The following APOL4 variants were observed in gnomAD, a reference collection of about 807,000 sequenced individuals.
The protein encoded by APOL4 is apolipoprotein L4.
APOL4 carries 14 observed loss-of-function variants against 12.1 expected under a neutral mutation model. That is an observed-to-expected ratio of 1.16 (90% CI 0.76 to 1.81). The LOEUF is 1.81. APOL4 is among the 40% of genes most tolerant of loss of function. The probability of loss-of-function intolerance (pLI) is 0.00; values close to 1 mark genes in which losing one functional copy is unlikely to be tolerated. For missense variants in APOL4, 432 were observed against 423.1 expected (o/e 1.02, Z -0.18); for synonymous variants, 171 against 160.6 (o/e 1.06, Z -0.49).
At chr22:36,195,150 G>A in intron 3 of APOL4, 161 bp downstream of exon 3, 1 of 911,218 alleles carries the variant, frequency 1.1e-6, no homozygotes. Flanking sequence ...TGCCAGCGAA[G>A]CACTTGGAGG....
At chr22:36,199,712 T>G in intron 1 of APOL4, 3 of 1,447,576 alleles carry the variant, frequency 2.1e-6, no homozygotes, top group Non-Finnish European at 2.8e-6. Flanking sequence ...AGGAACGTTC[T>G]AACAATGACC....
chr22:36,196,294 A>T (rs1273848834), intron 2 of APOL4, among the ~76,000 whole-genome samples: 2 of 152,214 alleles, frequency 1.3e-5, no homozygotes, highest in South Asian at 4.1e-4. Flanking sequence ...AGCAAGAGTG[A>T]GTATTCTTTT....
rs1343385068 is a variant in APOL4 at position 36,201,686 on chromosome 22, G to T, written c.35+14C>A. The stretch of plus-strand genomic sequence containing the variant: ...GAGGAGCAGGAGGGCAGAGAGCTGG[G>T]GCCTCGGACTCACCCGACGCTTGTG... On this transcript the variant is annotated intron_variant, in intron 1 of 3. Transcript: ENST00000683024. 6 of 1,601,272 alleles carry T rather than the reference G, an allele frequency of 3.7e-6. No homozygotes were observed. Among genetic ancestry groups the T allele is most frequent in the East Asian group, 4.5e-5 (2 of 44,372 alleles).
At chr22:36,201,659 C>G in intron 1 of APOL4, 41 bp downstream of exon 1, 1 of 1,561,210 alleles carries the variant, frequency 6.4e-7, no homozygotes, top group Admixed American at 1.8e-5. Flanking sequence ...CAGGAGAGAG[C>G]AGAGGAGCAG....
intron 2 of APOL4, among the ~76,000 whole-genome samples, chr22:36,195,774 TCTCACACACACACACACACACACA>T (rs1256623213): frequency 1.5e-5 from 1 of 65,930 alleles, no homozygotes; most frequent in African/African-American, 4.0e-5. Context: ...TCTCTCTCTC[TCTCACACACACACACACACACACA>T]CACACACACA....
chr22:36,190,833 G>A lies in APOL4; in HGVS notation c.*242C>T. 4.0e-6 allele frequency: 2 copies of A among 502,378 alleles called. No individual in the cohort carries two copies. The highest frequency in any genetic ancestry group is 7.1e-6 in the Non-Finnish European group (2 of 280,076). 31.1% of individuals were successfully genotyped at this position (502,378 alleles called of 1,614,324 possible). A position where few individuals can be genotyped will look rare whatever the true frequency, so the allele number is the denominator to read the frequency against. On this transcript the variant is annotated 3_prime_UTR_variant, in exon 4 of 4. Coordinates refer to ENST00000683024, the MANE Select transcript of APOL4 (RefSeq NM_001386885.1). The stretch of plus-strand genomic sequence containing the variant: ...CATCCTCCTCAGCTGACAGGATTAG[G>A]AGATTAAAGTAAAGACAGGCATAAG...
chr22:36,194,679 A>G (rs1333432299), intron 3 of APOL4, among the ~76,000 whole-genome samples: 2 of 152,158 alleles, frequency 1.3e-5, no homozygotes, highest in African/African-American at 2.4e-5. Flanking sequence ...CTGTGCAGGG[A>G]CAGAGCCAGG....
At chr22:36,201,430 C>A (rs1262270848) in intron 1 of APOL4, among the ~76,000 whole-genome samples, 1 of 149,932 alleles carries the variant, frequency 6.7e-6, no homozygotes, top group African/African-American at 2.5e-5. Flanking sequence ...AGATGTCTGT[C>A]TTCTGGGGCC....
At chr22:36,197,998 A>G (rs1175418117) in intron 2 of APOL4, among the ~76,000 whole-genome samples, 1 of 152,118 alleles carries the variant, frequency 6.6e-6, no homozygotes, top group Admixed American at 6.5e-5. Flanking sequence ...CCCCAGTTCC[A>G]AGAAATCCCC....
upstream of APOL4, among the ~76,000 whole-genome samples, chr22:36,203,394 A>G (rs2014640452): frequency 1.3e-5 from 2 of 152,192 alleles, no homozygotes; most frequent in Admixed American, 1.3e-4. Flanking sequence ...ATGGGGATGA[A>G]GTAATTCTTT....
Position 36,191,797 on chromosome 22 carries a change from ACT to A in APOL4, c.323_324del (p.Glu108ValfsTer21), listed in dbSNP as rs5845253. The A allele has an allele frequency of 0.48, 770,747 of 1,613,480 alleles. 190,083 individuals are homozygous for A. The highest frequency in any genetic ancestry group is 0.52 in the Middle Eastern group (3,125 of 6,062). On this transcript the variant is annotated frameshift_variant, in exon 4 of 4. Transcript: ENST00000683024. LOFTEE classifies it low-confidence loss of function (END_TRUNC). ...EQQFREWFLK[E>X]FPQIRWKIQE... ...TGAATCTTCCATCTGATTTGAGGAA[ACT>A]CTTTCAAAAACCACTCCCTAAACTG...
chr22:36,191,601 C>T lies in APOL4; in HGVS notation c.521G>A (p.Gly174Glu). 1 of 1,613,590 alleles carries T rather than the reference C, an allele frequency of 6.2e-7. No individual in the cohort carries two copies. Among genetic ancestry groups the T allele is most frequent in the South Asian group, 1.1e-5 (1 of 91,022 alleles). The change falls in exon 4 of 4, where the codon GGG (glycine) becomes GAG (glutamate). Residue 174 changes from glycine to glutamate, a missense_variant. Physicochemically the swap from Gly to Glu is moderately conservative, Grantham distance 98. Coordinates refer to ENST00000683024, the MANE Select transcript of APOL4 (RefSeq NM_001386885.1). ...AGCCGTGGCAGATGCTATTCCCAGC[C>T]CTACCCCAGCTGCAGTAATGCTCAG... Reference protein sequence around the residue: ...LSLSITAAGVGLGIASATAGI... With the variant: ...LSLSITAAGVELGIASATAGI...
In APOL4 at chr22:36,191,825, C is replaced by A; in HGVS notation, c.297G>T (p.Gln99His). 6.2e-7 allele frequency: 1 copy of A among 1,613,940 alleles called. No individual in the cohort carries two copies. ...CTTTCAAAAACCACTCCCTAAACTGCTGTTCTTTTTGCTGCATGTCTTTGT... is the reference window on the plus strand; with the variant it reads ...CTTTCAAAAACCACTCCCTAAACTGATGTTCTTTTTGCTGCATGTCTTTGT... ...IEDKDMQQKE[Q>H]QFREWFLKEF... The change falls in exon 4 of 4, where the codon CAG (glutamine) becomes CAT (histidine). Residue 99 changes from glutamine to histidine, a missense_variant. By Grantham distance (24) the Gln-to-His change is conservative. Transcript: ENST00000683024.
At chr22:36,195,887 G>A (rs2014401317) in intron 2 of APOL4, among the ~76,000 whole-genome samples, 1 of 151,540 alleles carries the variant, frequency 6.6e-6, no homozygotes, top group Non-Finnish European at 1.5e-5. Context: ...GCCCTCCCCA[G>A]ACATCAACCC....
intron 3 of APOL4, among the ~76,000 whole-genome samples, chr22:36,193,476 C>T (rs1282667987): frequency 2.6e-5 from 4 of 152,240 alleles, no homozygotes; most frequent in African/African-American, 9.7e-5. Context: ...CTGAAACCCT[C>T]TCAGACTCTG....
chr22:36,197,587 C>T (rs2014447827), intron 2 of APOL4: 3 of 1,478,000 alleles, frequency 2.0e-6, no homozygotes, highest in Non-Finnish European at 2.7e-6. Flanking sequence ...CTGTAACCCC[C>T]CATGAAACTG....
chr22:36,200,514 C>G (rs1053675043), intron 1 of APOL4, among the ~76,000 whole-genome samples: 6 of 152,252 alleles, frequency 3.9e-5, no homozygotes, highest in Non-Finnish European at 8.8e-5. Context: ...CCGAGCCCTC[C>G]TGGCGCTGCC....
At chr22:36,199,698 G>A (rs2014512954) in intron 1 of APOL4, 1 of 1,498,340 alleles carries the variant, frequency 6.7e-7, no homozygotes, top group African/African-American at 1.4e-5. Context: ...AAATAGAGAT[G>A]GGAAGGAACG....
Position 36,199,325 on chromosome 22 carries a change from C to T in APOL4, c.82+5G>A. On this transcript the variant is annotated splice_donor_5th_base_variant and intron_variant, in intron 2 of 3. Transcript: ENST00000683024. ...TACCAGCAGCCAGGTCTCTGAAAGG[C>T]TTACCTTGGAACTGTCCAGCCACTG... 1.2e-6 allele frequency: 2 copies of T among 1,614,092 alleles called. No homozygotes were observed. The highest frequency in any genetic ancestry group is 1.7e-6 in the Non-Finnish European group (2 of 1,179,940).
Sources: gnomAD v4.1 joint callset for allele counts (sites outside exome capture counted in the v4.1 genomes callset) on GRCh38, gnomAD v4.1.1 for gene constraint, MANE v1.5 for transcripts, NCBI Gene and HGNC (gene_info 2026-07-23, HGNC 2026-07-21) for gene names.